WWOX: variants seen among roughly 807,000 people sequenced by gnomAD.
The protein encoded by WWOX is WW domain containing oxidoreductase.
A neutral mutation model predicts 46.2 loss-of-function variants in WWOX; 69 were observed. The ratio of observed to expected loss-of-function variants is 1.49; its 90% CI spans 1.23 to 1.82. WWOX has a LOEUF of 1.82. WWOX is among the 40% of genes most tolerant of loss of function. The pLI is 0.00. For missense variants in WWOX, 919 were observed against 542.6 expected, an observed-to-expected ratio of 1.69 and a Z score of -6.89; for synonymous variants, 359 against 202.6, an observed-to-expected ratio of 1.77 and a Z score of -6.56.
intron 8 of WWOX, among the ~76,000 whole-genome samples, chr16:78,573,401 T>C (rs953415605): frequency 1.3e-5 from 2 of 152,260 alleles, no homozygotes; most frequent in Admixed American, 6.5e-5. Context: ...CATTTTGACC[T>C]GTGAGATTTT....
chr16:78,776,727 C>A (rs188167218), intron 8 of WWOX, among the ~76,000 whole-genome samples: 10 of 152,122 alleles, frequency 6.6e-5, no homozygotes, highest in Non-Finnish European at 1.5e-4. Context: ...AGAAAACTTA[C>A]GATCATGGTG....
intron 5 of WWOX, among the ~76,000 whole-genome samples, chr16:78,177,882 T>G (rs2035401381): frequency 6.6e-6 from 1 of 152,202 alleles, no homozygotes; most frequent in South Asian, 2.1e-4. Flanking sequence ...CAGACTTGCT[T>G]AGTTCCTGAC....
intron 8 of WWOX, among the ~76,000 whole-genome samples, chr16:79,011,758 G>T (rs1184386207): frequency 6.6e-6 from 1 of 152,022 alleles, no homozygotes; most frequent in African/African-American, 2.4e-5. Flanking sequence ...CTCCCAAAGT[G>T]CTGGGATTAC....
At chr16:78,662,598 G>T (rs1245669120) in intron 8 of WWOX, among the ~76,000 whole-genome samples, 1 of 152,122 alleles carries the variant, frequency 6.6e-6, no homozygotes, top group Non-Finnish European at 1.5e-5. Context: ...GCAGTCGTGG[G>T]CTTGATTTTT....
intron 8 of WWOX, among the ~76,000 whole-genome samples, chr16:78,697,426 C>G (rs1272047221): frequency 2.0e-5 from 3 of 152,160 alleles, no homozygotes; most frequent in Admixed American, 6.5e-5. Context: ...AACTAATCAG[C>G]TTTTGCCCAG....
At chr16:78,391,376 T>C (rs1471422779) in intron 6 of WWOX, among the ~76,000 whole-genome samples, 1 of 152,238 alleles carries the variant, frequency 6.6e-6, no homozygotes, top group East Asian at 1.9e-4. Flanking sequence ...ATCCCTACTT[T>C]GCAAATTACA....
intron 8 of WWOX, among the ~76,000 whole-genome samples, chr16:78,682,091 C>T (rs1369531167): frequency 6.6e-6 from 1 of 152,210 alleles, no homozygotes; most frequent in African/African-American, 2.4e-5. Flanking sequence ...TATGTAAAGT[C>T]TGCAGCTGGT....
rs530343435 is a variant in WWOX, at chr16:78,554,135, C to T, written c.1056+121383C>T. On this transcript the variant is annotated intron_variant, in intron 8 of 8. Coordinates refer to ENST00000566780, the MANE Select transcript of WWOX (RefSeq NM_016373.4). ...CCCCTTCCCTCTTATCAGCTTCTTG[C>T]TACCATGCAGAAAAGTGCTGAAGGT... Among the ~76,000 whole-genome samples, 6 of 152,272 alleles carry T rather than the reference C, an allele frequency of 3.9e-5. No individual in the cohort carries two copies. In the South Asian group the frequency reaches 1.2e-3, roughly 32 times the overall value.
chr16:78,932,020 C>T (rs983549846), intron 8 of WWOX, among the ~76,000 whole-genome samples: 3 of 152,228 alleles, frequency 2.0e-5, no homozygotes, highest in Admixed American at 6.5e-5. Flanking sequence ...CCACATTGGC[C>T]TTCTGCCGTG....
At position 79,082,152 on chromosome 16, in the gene WWOX, G is replaced by A. The variant is rs116275141; in HGVS notation, c.1057-129456G>A. Among the ~76,000 whole-genome samples, 1,277 of 152,280 alleles carry A rather than the reference G, an allele frequency of 8.4e-3. 23 individuals are homozygous for A. The highest frequency in any genetic ancestry group is 0.028 in the African/African-American group (1,149 of 41,552). On this transcript the variant is annotated intron_variant, in intron 8 of 8. Coordinates refer to ENST00000566780, the MANE Select transcript of WWOX (RefSeq NM_016373.4). ...CAGCACCAGCTAGTGGGTAAAGCCC[G>A]GGAGAGGTTGTAACAAATCTGATTC...
chr16:78,767,440 T>A (rs1239460640), intron 8 of WWOX, among the ~76,000 whole-genome samples: 1 of 151,596 alleles, frequency 6.6e-6, no homozygotes, highest in African/African-American at 2.4e-5. Context: ...CAAAATTTCT[T>A]TGTTATGGCT....
At chr16:78,595,155 A>T (rs921720079) in intron 8 of WWOX, among the ~76,000 whole-genome samples, 6 of 152,324 alleles carry the variant, frequency 3.9e-5, no homozygotes, top group Admixed American at 2.6e-4. Context: ...ACCTCTGAGG[A>T]TGGGTAGACA....
chr16:78,795,089 C>T (rs921780274), intron 8 of WWOX, among the ~76,000 whole-genome samples: 5 of 152,014 alleles, frequency 3.3e-5, no homozygotes, highest in Non-Finnish European at 7.4e-5. Context: ...ATCCTGTTTT[C>T]GAGGGTGGTG....
At position 78,527,539 on chromosome 16, in the gene WWOX, C is replaced by T. The variant is rs955983731; in HGVS notation, c.1056+94787C>T. Among the ~76,000 whole-genome samples the T allele has an allele frequency of 3.3e-5, 5 of 152,144 alleles. No individual in the cohort carries two copies. In the East Asian group the frequency reaches 9.7e-4, roughly 29 times the overall value. On this transcript the variant is annotated intron_variant, in intron 8 of 8. Transcript: ENST00000566780. ...GAATTCCTGACTTCAAGTGATGAGA[C>T]TGCCTCAGCCAGCCAAAGTGCTGGG...
chr16:78,416,279 C>T (rs188044967), intron 6 of WWOX, among the ~76,000 whole-genome samples: 7 of 152,300 alleles, frequency 4.6e-5, no homozygotes, highest in East Asian at 1.9e-4. Flanking sequence ...CAAAACTGAG[C>T]GCAATGTGCC....
At chr16:78,740,026 C>T (rs1042264519) in intron 8 of WWOX, among the ~76,000 whole-genome samples, 2 of 152,270 alleles carry the variant, frequency 1.3e-5, no homozygotes, top group Non-Finnish European at 2.9e-5. Context: ...GTGCCTCCTG[C>T]TGTCACCACA....
chr16:78,292,605 T>C (rs1436436785), intron 5 of WWOX, among the ~76,000 whole-genome samples: 1 of 152,108 alleles, frequency 6.6e-6, no homozygotes, highest in Admixed American at 6.5e-5. Context: ...GTTGAAAGAT[T>C]ATGTTCTATA....
chr16:79,037,034 C>A (rs1042129773), intron 8 of WWOX, among the ~76,000 whole-genome samples: 1 of 152,160 alleles, frequency 6.6e-6, no homozygotes, highest in African/African-American at 2.4e-5. Context: ...GTTGTTACTG[C>A]TTCTCAGGCA....
chr16:78,893,686 C>T (rs538476902), intron 8 of WWOX, among the ~76,000 whole-genome samples: 12 of 152,250 alleles, frequency 7.9e-5, no homozygotes, highest in African/African-American at 2.9e-4. Flanking sequence ...TGGTATTTTC[C>T]AGGGGCCCTT....
Sources: allele counts gnomAD v4.1 joint callset (sites outside exome capture counted in the v4.1 genomes callset), GRCh38; gene constraint gnomAD v4.1.1; transcripts MANE v1.5; gene names NCBI Gene and HGNC (gene_info 2026-07-23, HGNC 2026-07-21).